Variants in GCSAML observed in about 807,000 individuals in gnomAD.
GCSAML encodes the protein germinal center associated signaling and motility like, also known as germinal center-associated signaling and motility-like protein.
Under a neutral mutation model 13.0 loss-of-function variants are expected in GCSAML, and 9 were observed. That is an observed-to-expected ratio of 0.69 (90% CI 0.42 to 1.21). The LOEUF (loss-of-function observed/expected upper bound fraction) is 1.21. Among genes scored for constraint, GCSAML ranks in the 50% most tolerant of loss-of-function variants. The probability of loss-of-function intolerance (pLI) is 0.00; values close to 1 mark genes in which losing one functional copy is unlikely to be tolerated. For synonymous variants in GCSAML, 37 were observed against 52.9 expected (o/e 0.70, Z 1.31); for missense variants, 143 against 153.4 (o/e 0.93, Z 0.36).
At chr1:247,521,866 C>T (rs1666445268) in intron 1 of GCSAML, among the ~76,000 whole-genome samples, 1 of 152,014 alleles carries the variant, frequency 6.6e-6, no homozygotes, top group South Asian at 2.1e-4. Context: ...AGGAGCCCCT[C>T]TGCCCGGCTG....
intron 1 of GCSAML, among the ~76,000 whole-genome samples, chr1:247,553,675 A>G (rs1449366903): frequency 1.3e-5 from 2 of 152,202 alleles, no homozygotes; most frequent in Admixed American, 1.3e-4. Flanking sequence ...ATCAGAGTGC[A>G]CTACAGCTTT....
chr1:247,566,601 A>C (rs1031568908), intron 4 of GCSAML, among the ~76,000 whole-genome samples: 1 of 151,824 alleles, frequency 6.6e-6, no homozygotes, highest in African/African-American at 2.4e-5. Flanking sequence ...GTAAATTTAT[A>C]CTTAAAAACT....
chr1:247,525,869 A>G (rs923238056), intron 1 of GCSAML: 1 of 152,154 alleles, frequency 6.6e-6, no homozygotes, highest in African/African-American at 2.4e-5. Context: ...CCATTTGTCA[A>G]CTCATTAACA....
intron 2 of GCSAML, among the ~76,000 whole-genome samples, chr1:247,538,272 C>T (rs1667290364): frequency 6.6e-6 from 1 of 152,168 alleles, no homozygotes; most frequent in South Asian, 2.1e-4. Flanking sequence ...TATTGACACC[C>T]TTGTCAAAAA....
intron 2 of GCSAML, among the ~76,000 whole-genome samples, chr1:247,535,081 G>T (rs1163988354): frequency 6.6e-6 from 1 of 152,196 alleles, no homozygotes; most frequent in African/African-American, 2.4e-5. Context: ...GGAGGCTGAA[G>T]TGGGGGGAAT....
chr1:247,531,825 G>A (rs1325765776), intron 2 of GCSAML: 2 of 1,614,204 alleles, frequency 1.2e-6, no homozygotes, highest in Non-Finnish European at 1.7e-6. Context: ...CTGCTGACCT[G>A]ATCTTCAACA....
intron 4 of GCSAML, among the ~76,000 whole-genome samples, chr1:247,571,078 T>G (rs141042543): frequency 1.1e-4 from 17 of 152,216 alleles, no homozygotes; most frequent in Non-Finnish European, 1.8e-4. Flanking sequence ...TCCCTTTATT[T>G]TGAGTGTATG....
At chr1:247,565,396 A>G (rs914801654) in intron 3 of GCSAML, among the ~76,000 whole-genome samples, 3 of 152,004 alleles carry the variant, frequency 2.0e-5, no homozygotes, top group Non-Finnish European at 4.4e-5. Flanking sequence ...TCAGATTCAC[A>G]CGTATGTAAA....
At chr1:247,535,092 C>G (rs113229714) in intron 2 of GCSAML, among the ~76,000 whole-genome samples, 34 of 152,230 alleles carry the variant, frequency 2.2e-4, no homozygotes, top group South Asian at 6.2e-4. Context: ...TGGGGGGAAT[C>G]ACTTGAGCTC....
chr1:247,510,660 C>T (rs569255686), intron 1 of GCSAML, among the ~76,000 whole-genome samples: 1 of 151,146 alleles, frequency 6.6e-6, no homozygotes, highest in South Asian at 2.2e-4. Context: ...TCCCTCTAAA[C>T]ACTATCTTAG....
chr1:247,534,485 C>CT (rs1475828594), intron 2 of GCSAML, among the ~76,000 whole-genome samples: 1 of 152,186 alleles, frequency 6.6e-6, no homozygotes, highest in Non-Finnish European at 1.5e-5. Context: ...CTGGACTATC[C>CT]TCTGCTTTTG....
At chr1:247,532,132 A>C in intron 2 of GCSAML, 1 of 1,614,092 alleles carries the variant, frequency 6.2e-7, no homozygotes, top group South Asian at 1.1e-5. Context: ...TGGCCTGCAG[A>C]TGGCAGCGTA....
intron 1 of GCSAML, chr1:247,525,310 T>C (rs1666634613): frequency 6.6e-6 from 1 of 152,218 alleles, no homozygotes; most frequent in Non-Finnish European, 1.5e-5. Context: ...TACCTGGAAA[T>C]AACGCCAGGT....
intron 1 of GCSAML, among the ~76,000 whole-genome samples, chr1:247,514,668 A>G (rs1666154020): frequency 6.6e-6 from 1 of 152,224 alleles, no homozygotes; most frequent in Admixed American, 6.5e-5. Context: ...AGGAGGATCC[A>G]GTTTCATTCT....
At chr1:247,564,550 TA>T (rs909137672) in intron 3 of GCSAML, among the ~76,000 whole-genome samples, 1 of 152,182 alleles carries the variant, frequency 6.6e-6, no homozygotes, top group African/African-American at 2.4e-5. Flanking sequence ...TATTGAGGTA[TA>T]ACTGACAAAT....
chr1:247,574,010 G>C, intron 4 of GCSAML, 133 bp from the exon 5 acceptor site: 1 of 900,530 alleles, frequency 1.1e-6, no homozygotes, highest in Non-Finnish European at 1.7e-6. Context: ...TGGTGTACAG[G>C]AATGCTTGGG....
upstream of GCSAML, among the ~76,000 whole-genome samples, chr1:247,546,421 C>G (rs570224153): frequency 2.6e-5 from 4 of 152,002 alleles, no homozygotes; most frequent in Admixed American, 6.5e-5. Flanking sequence ...TGCAGTGGCG[C>G]GATCTCGGCT....
At chr1:247,548,958 G>A, upstream of GCSAML, 1 of 987,054 alleles carries the variant, frequency 1.0e-6, no homozygotes, top group Non-Finnish European at 1.5e-6. This position sits in a 1 kb window ranked among gnomAD's most constrained non-coding sequence, Gnocchi z 5.3. Context: ...GAGTGTGTGT[G>A]TGTGCGTGCA....
intron 4 of GCSAML, among the ~76,000 whole-genome samples, chr1:247,570,054 C>T (rs1280327749): frequency 9.2e-5 from 14 of 151,992 alleles, no homozygotes; most frequent in Non-Finnish European, 1.9e-4. Context: ...GTGGTAGTCT[C>T]CCCTCTATTA....
Sources: allele counts gnomAD v4.1 joint callset (sites outside exome capture counted in the v4.1 genomes callset), GRCh38; gene constraint gnomAD v4.1.1; non-coding constraint Gnocchi (gnomAD v3.1); transcripts MANE v1.5; gene names NCBI Gene and HGNC (gene_info 2026-07-23, HGNC 2026-07-21).